Variants in RBFOX1 observed in about 807,000 individuals in gnomAD.
RBFOX1 encodes the protein RNA binding fox-1 homolog 1, also known as RNA binding protein fox-1 homolog 1.
In RBFOX1, 8 loss-of-function variants were observed where a neutral mutation model predicts 57.7. The ratio of observed to expected loss-of-function variants is 0.14; its 90% CI spans 0.08 to 0.25. The LOEUF is 0.25. Among genes scored for constraint, RBFOX1 ranks in the 10% least tolerant of loss-of-function variants. The probability of loss-of-function intolerance (pLI) is 1.00; values close to 1 mark genes in which losing one functional copy is unlikely to be tolerated. For synonymous variants in RBFOX1, 326 were observed against 222.4 expected (o/e 1.47, Z -4.15); for missense variants, 611 against 548.5 (o/e 1.11, Z -1.14).
chr16:6,538,884 A>G (rs2096771925), intron 2 of RBFOX1, among the ~76,000 whole-genome samples: 2 of 152,122 alleles, frequency 1.3e-5, no homozygotes, highest in South Asian at 2.1e-4. Context: ...TGAAGGGATT[A>G]GCTCCTCTTT....
chr16:7,267,798 G>T (rs759165361), intron 4 of RBFOX1, among the ~76,000 whole-genome samples: 2 of 152,136 alleles, frequency 1.3e-5, no homozygotes, highest in Admixed American at 6.5e-5. Flanking sequence ...GGAGGCTGCA[G>T]TGACCTGAGA....
intron 1 of RBFOX1, among the ~76,000 whole-genome samples, chr16:5,357,373 G>A (rs1259214357): frequency 6.6e-6 from 1 of 152,160 alleles, no homozygotes; most frequent in African/African-American, 2.4e-5. Context: ...TCTTGCTCTG[G>A]GGTGTAAATG....
chr16:7,595,295 T>C (rs1438946709), intron 7 of RBFOX1, among the ~76,000 whole-genome samples: 1 of 152,242 alleles, frequency 6.6e-6, no homozygotes, highest in African/African-American at 2.4e-5. Context: ...TAGTGACATT[T>C]AGAAAGGTAT....
intron 1 of RBFOX1, among the ~76,000 whole-genome samples, chr16:5,452,651 T>A (rs940786839): frequency 4.7e-5 from 7 of 149,138 alleles, no homozygotes. Context: ...AACCTTGACT[T>A]TTTTTTTTTT....
intron 1 of RBFOX1, among the ~76,000 whole-genome samples, chr16:6,158,663 A>G (rs1326955966): frequency 2.0e-5 from 3 of 152,190 alleles, no homozygotes; most frequent in Admixed American, 1.3e-4. Flanking sequence ...ACAGAGAAAA[A>G]GTCAGACAAA....
intron 1 of RBFOX1, among the ~76,000 whole-genome samples, chr16:5,343,245 G>A (rs552708717): frequency 6.9e-6 from 1 of 145,050 alleles, no homozygotes; most frequent in South Asian, 2.2e-4. Flanking sequence ...TCCTACTTCT[G>A]TACTTTTCAG....
At chr16:5,631,016 G>A (rs960626151) in intron 3 of RBFOX1, among the ~76,000 whole-genome samples, 9 of 152,234 alleles carry the variant, frequency 5.9e-5, no homozygotes, top group African/African-American at 2.2e-4. Context: ...CCTTGGAAGG[G>A]TCGCACTTGT....
At chr16:5,266,450 C>T (rs1027754481) in intron 1 of RBFOX1, among the ~76,000 whole-genome samples, 2 of 151,392 alleles carry the variant, frequency 1.3e-5, no homozygotes, top group African/African-American at 4.9e-5. Context: ...TGTTGGTAGT[C>T]AGGGGTTAGT....
chr16:6,712,985 C>G (rs1214945006), intron 3 of RBFOX1, among the ~76,000 whole-genome samples: 1 of 146,278 alleles, frequency 6.8e-6, no homozygotes, highest in Non-Finnish European at 1.5e-5. Context: ...CCTGCACATG[C>G]TCTCTTGCCT....
intron 4 of RBFOX1, among the ~76,000 whole-genome samples, chr16:7,064,616 C>T (rs966409590): frequency 1.3e-5 from 2 of 152,186 alleles, no homozygotes; most frequent in Non-Finnish European, 2.9e-5. Context: ...TCGCAGACTT[C>T]TGGCCTCCAG....
At chr16:5,828,154 C>G (rs994115413) in intron 3 of RBFOX1, among the ~76,000 whole-genome samples, 3 of 152,036 alleles carry the variant, frequency 2.0e-5, no homozygotes, top group Non-Finnish European at 4.4e-5. Flanking sequence ...TGCATTCAGT[C>G]TATCCATCCC....
intron 4 of RBFOX1, among the ~76,000 whole-genome samples, chr16:7,404,155 C>T (rs917344376): frequency 6.6e-6 from 1 of 151,174 alleles, no homozygotes. Context: ...CAGGTTCAAG[C>T]GATTCTCCTG....
intron 14 of RBFOX1, among the ~76,000 whole-genome samples, chr16:7,706,387 G>A (rs183729834): frequency 6.6e-6 from 1 of 152,288 alleles, no homozygotes; most frequent in Non-Finnish European, 1.5e-5. Flanking sequence ...CCTTGGAAGA[G>A]AATACTGCCA....
At chr16:6,276,507 A>AT (rs748973473) in intron 1 of RBFOX1, among the ~76,000 whole-genome samples, 2 of 151,974 alleles carry the variant, frequency 1.3e-5, no homozygotes, top group Non-Finnish European at 2.9e-5. Flanking sequence ...CCCAGCGAAT[A>AT]TTTTTTGTAT....
At chr16:6,602,450 G>A (rs887040208) in intron 2 of RBFOX1, among the ~76,000 whole-genome samples, 2 of 152,178 alleles carry the variant, frequency 1.3e-5, no homozygotes, top group African/African-American at 4.8e-5. Flanking sequence ...GGGAAGGCAG[G>A]TGAATCTCAT....
rs556157804 is a variant in RBFOX1, at chr16:5,423,757, G to T, written c.220-43459G>T. On this transcript the variant is annotated intron_variant, in intron 1 of 2. Transcript: ENST00000585867. ...CTCATAGAATCATCTTGTGAAATTG[G>T]CTCTTTTTATAAATCATCCTCTCCC... Among the ~76,000 whole-genome samples the T allele has an allele frequency of 2.0e-5, 3 of 152,180 alleles. No homozygotes were observed. The South Asian group carries it at 6.2e-4, about 32-fold the overall frequency.
At chr16:5,623,726 C>T (rs944900104) in intron 3 of RBFOX1, among the ~76,000 whole-genome samples, 1 of 152,136 alleles carries the variant, frequency 6.6e-6, no homozygotes, top group African/African-American at 2.4e-5. Context: ...TTGTCCTTCC[C>T]TCCCTGTGTC....
At chr16:6,453,696 C>G (rs542154393) in intron 2 of RBFOX1, among the ~76,000 whole-genome samples, 1 of 152,310 alleles carries the variant, frequency 6.6e-6, no homozygotes, top group Non-Finnish European at 1.5e-5. Context: ...AAGCCCCTGA[C>G]TTTCTAAGCT....
rs201896277 is a variant in RBFOX1 at position 6,001,506 on chromosome 16, C to T, written c.351+134171C>T. Among the ~76,000 whole-genome samples the T allele has an allele frequency of 3.9e-5, 6 of 152,228 alleles. No individual in the cohort carries two copies. The East Asian group carries it at 1.2e-3, about 29-fold the overall frequency. Reference sequence around the variant, plus strand: ...AGCAGCAGAATTGGGAGGTTGAACCCCATCATGTCTAACTCCAGAGTCCAT... The same window carrying T: ...AGCAGCAGAATTGGGAGGTTGAACCTCATCATGTCTAACTCCAGAGTCCAT... On this transcript the variant is annotated intron_variant, in intron 4 of 19. Transcript: ENST00000641259.
Sources: gnomAD v4.1 joint callset for allele counts (sites outside exome capture counted in the v4.1 genomes callset) on GRCh38, gnomAD v4.1.1 for gene constraint, MANE v1.5 for transcripts, NCBI Gene and HGNC (gene_info 2026-07-23, HGNC 2026-07-21) for gene names.